HAVCR1: variants seen among roughly 807,000 people sequenced by gnomAD.
HAVCR1 encodes hepatitis A virus cellular receptor 1, also known as T cell immunoglobin domain and mucin domain protein 1.
HAVCR1 carries 34 observed loss-of-function variants against 32.0 expected under a neutral mutation model. The ratio of observed to expected loss-of-function variants is 1.06; its 90% confidence interval spans 0.81 to 1.42. The LOEUF (loss-of-function observed/expected upper bound fraction) is 1.42, where lower values mean the gene tolerates loss of function less well. Ranked by LOEUF, HAVCR1 falls within the 40% of genes most tolerant of loss-of-function variation. The probability of loss-of-function intolerance (pLI) is 0.00; values close to 1 mark genes in which losing one functional copy is unlikely to be tolerated. For missense variants in HAVCR1, 420 were observed against 442.3 expected (o/e 0.95, Z 0.45); for synonymous variants, 178 against 170.3 (o/e 1.05, Z -0.35).
chr5:157,037,196 A>C (rs41297585), intron 7 of HAVCR1, 51 bp downstream of exon 7: 78 of 874,640 alleles, frequency 8.9e-5, no homozygotes, highest in African/African-American at 8.2e-4. Context: ...GAACCCAGGC[A>C]ATTTTGCTGT....
chr5:157,048,823 C>G (rs1755567781), intron 5 of HAVCR1, among the ~76,000 whole-genome samples: 1 of 136,272 alleles, frequency 7.3e-6, no homozygotes, highest in Non-Finnish European at 1.6e-5. Context: ...ATGCGAGACT[C>G]CATCTCAGAA....
chr5:157,067,422 ATTTC>A, the HAVCR1 span, among the ~76,000 whole-genome samples: 2 of 152,256 alleles, frequency 1.3e-5, no homozygotes, highest in Non-Finnish European at 2.9e-5. Context: ...AAGCTCAATA[ATTTC>A]TAACACATGA....
At chr5:157,038,583 T>C (rs1754681536) in intron 6 of HAVCR1, among the ~76,000 whole-genome samples, 1 of 152,154 alleles carries the variant, frequency 6.6e-6, no homozygotes, top group Non-Finnish European at 1.5e-5. Flanking sequence ...AGGTCCTTCC[T>C]GATAAACACT....
At chr5:157,056,362 A>G (rs1453249417) in intron 2 of HAVCR1, among the ~76,000 whole-genome samples, 1 of 147,570 alleles carries the variant, frequency 6.8e-6, no homozygotes, top group Non-Finnish European at 1.5e-5. Context: ...TTTTAGACAA[A>G]GTCTTTCTAA....
intron 2 of HAVCR1, among the ~76,000 whole-genome samples, chr5:157,056,182 A>T (rs4073552): frequency 4.2e-4 from 64 of 151,528 alleles, no homozygotes; most frequent in Non-Finnish European, 6.9e-4. Flanking sequence ...CACCCACCTG[A>T]GCATCCCAAA....
intron 4 of HAVCR1, among the ~76,000 whole-genome samples, chr5:157,051,422 A>AAACT (rs1467812267): frequency 6.6e-6 from 1 of 152,214 alleles, no homozygotes; most frequent in Non-Finnish European, 1.5e-5. Context: ...TCCAAACATA[A>AAACT]AACTCAGTGC....
chr5:157,064,479 C>T, the HAVCR1 span, among the ~76,000 whole-genome samples: 1 of 151,746 alleles, frequency 6.6e-6, no homozygotes, highest in African/African-American at 2.4e-5. Context: ...AACAGGATTT[C>T]CTGTAGGATA....
intron 1 of HAVCR1, chr5:157,058,217 A>G: frequency 2.5e-6 from 1 of 402,836 alleles, no homozygotes; most frequent in Non-Finnish European, 4.6e-6. Context: ...TTCCCCACAC[A>G]TAACCGCCAA....
chr5:157,041,249 G>A (rs1754873289), intron 6 of HAVCR1, among the ~76,000 whole-genome samples: 2 of 152,182 alleles, frequency 1.3e-5, no homozygotes, highest in South Asian at 4.1e-4. Context: ...TGTAATTCCA[G>A]CACTTTGGGA....
intron 7 of HAVCR1, among the ~76,000 whole-genome samples, chr5:157,033,459 A>T (rs927730476): frequency 6.6e-6 from 1 of 151,970 alleles, no homozygotes; most frequent in Non-Finnish European, 1.5e-5. Context: ...CATATTTAGG[A>T]AAGGGCTTTC....
chr5:157,057,413 A>G lies in HAVCR1; in HGVS notation c.46+485T>C, dbSNP rs1434661006. Among the ~76,000 whole-genome samples the G allele has an allele frequency of 1.4e-3, 191 of 135,074 alleles. 1 individual carries two copies. The highest frequency in any genetic ancestry group is 4.9e-3 in the African/African-American group (182 of 37,370). 88.6% of individuals were successfully genotyped at this position (135,074 alleles called of 152,430 possible). ...AAAGAAAGAAAGAAAGAAAGAAAGA[A>G]AGAAAGAAAGAAAGAAAGAAAGAAA... On this transcript the variant is annotated intron_variant, in intron 2 of 8. Transcript: ENST00000523175.
intron 5 of HAVCR1, among the ~76,000 whole-genome samples, chr5:157,043,605 T>C (rs999940476): frequency 6.6e-6 from 1 of 151,980 alleles, no homozygotes; most frequent in Non-Finnish European, 1.5e-5. Context: ...GAGGCAGAGG[T>C]TTCGGTGAGC....
the HAVCR1 span, among the ~76,000 whole-genome samples, chr5:157,066,701 G>T: frequency 2.6e-5 from 4 of 152,158 alleles, no homozygotes; most frequent in Non-Finnish European, 4.4e-5. Flanking sequence ...CACAACCAGG[G>T]ATAGCCTGTT....
chr5:157,065,127 G>C, the HAVCR1 span, among the ~76,000 whole-genome samples: 1 of 152,050 alleles, frequency 6.6e-6, no homozygotes, highest in Non-Finnish European at 1.5e-5. Context: ...AGACTGTGCT[G>C]GGTAACACGA....
chr5:157,034,385 G>T (rs1056771352), intron 7 of HAVCR1, among the ~76,000 whole-genome samples: 1 of 151,916 alleles, frequency 6.6e-6, no homozygotes, highest in Non-Finnish European at 1.5e-5. Flanking sequence ...GAGCAGTATT[G>T]CTGCCAGCAT....
chr5:157,047,074 T>C (rs1249131952), intron 5 of HAVCR1, among the ~76,000 whole-genome samples: 1 of 152,176 alleles, frequency 6.6e-6, no homozygotes, highest in African/African-American at 2.4e-5. Context: ...AGTCTTTTCT[T>C]ATCATGGTAA....
rs760337335 is a variant in HAVCR1, at chr5:157,044,615, G to GAAAAAAAGAAAGAAAA, written c.782-1934_782-1933insTTTTCTTTCTTTTTTT. Reference sequence around the variant, plus strand: ...AGAAAGAAAGAAAGAAAGAAAGAAAGAGAAAGAAAGAAAGAAAGAAAGAAA... The same window carrying GAAAAAAAGAAAGAAAA: ...AGAAAGAAAGAAAGAAAGAAAGAAAGAAAAAAAGAAAGAAAAAGAAAGAAAGAAAGAAAGAAAGAAA... On this transcript the variant is annotated intron_variant, in intron 5 of 8. Transcript: ENST00000523175. 2.9e-3 allele frequency among the ~76,000 whole-genome samples: 152 copies of GAAAAAAAGAAAGAAAA among 52,730 alleles called. 9 individuals carry two copies. Among genetic ancestry groups the GAAAAAAAGAAAGAAAA allele is most frequent in the African/African-American group, 9.4e-3 (145 of 15,496 alleles). The allele number at this position is 52,730 out of a possible 152,430, so 34.6% of individuals were successfully genotyped here.
chr5:157,057,939 T>G lies in HAVCR1; in HGVS notation c.5A>C (p.His2Pro). M[H>P]PQVVILSLIL... is the part of the protein sequence containing the mutation. ...GAGGCTTAAGATGACCACTTGAGGA[T>G]GCATTATGGGATCAGCCTGAAGGAA... Residue 2 changes from histidine (H) to proline (P), a missense_variant, in exon 2 of 9, where the codon CAT becomes CCT. By Grantham distance (77) the His-to-Pro change is moderately conservative. Transcript: ENST00000523175. 7 of 1,613,580 alleles carry G rather than the reference T, an allele frequency of 4.3e-6. No individual in the cohort carries two copies. Among genetic ancestry groups the G allele is most frequent in the Non-Finnish European group, 5.1e-6 (6 of 1,179,556 alleles).
intron 1 of HAVCR1, chr5:157,058,224 C>T (rs1371841301): frequency 2.6e-6 from 1 of 387,532 alleles, no homozygotes; most frequent in Non-Finnish European, 4.7e-6. Context: ...CACATAACCG[C>T]CAAACTGACT....
Sources: allele counts gnomAD v4.1 joint callset (sites outside exome capture counted in the v4.1 genomes callset), GRCh38; gene constraint gnomAD v4.1.1; transcripts MANE v1.5; gene names NCBI Gene and HGNC (gene_info 2026-07-23, HGNC 2026-07-21).